Variants in USP40 observed in about 807,000 individuals in gnomAD.
USP40 encodes ubiquitin carboxyl-terminal hydrolase 40.
USP40 carries 143 observed loss-of-function variants against 166.2 expected under a neutral mutation model. That is an observed-to-expected ratio of 0.86 (90% CI 0.75 to 0.99). The LOEUF is 0.99. USP40 is among the 50% of genes least tolerant of loss of function. The pLI is 0.00. For synonymous variants in USP40, 498 were observed against 524.0 expected, an observed-to-expected ratio of 0.95 and a Z score of 0.68; for missense variants, 1,444 against 1,479.7, an observed-to-expected ratio of 0.98 and a Z score of 0.40.
chr2:233,506,789 C>T (rs1001761556), intron 21 of USP40, among the ~76,000 whole-genome samples: 2 of 149,390 alleles, frequency 1.3e-5, no homozygotes, highest in African/African-American at 5.0e-5. Flanking sequence ...CATATACCTG[C>T]GATCCCAGCT....
At chr2:233,523,578 AC>A (rs1456443228) in intron 15 of USP40, 89 bp from the exon 16 acceptor site, 10 of 1,224,546 alleles carry the variant, frequency 8.2e-6, no homozygotes, top group Admixed American at 3.0e-5. Context: ...TTAGAGAACA[AC>A]CCTCATTTTT....
intron 26 of USP40, chr2:233,489,973 C>G: frequency 6.4e-6 from 1 of 155,888 alleles, no homozygotes; most frequent in Admixed American, 6.2e-5. Context: ...ACTGCTTGTT[C>G]TAATTCTGAA....
chr2:233,537,298 G>T (rs2069009371), intron 10 of USP40, among the ~76,000 whole-genome samples: 1 of 152,114 alleles, frequency 6.6e-6, no homozygotes, highest in South Asian at 2.1e-4. Context: ...CTGCAGATGT[G>T]GGTGTCATCT....
chr2:233,533,817 T>C (rs1259390182), intron 10 of USP40, 38 bp from the exon 11 acceptor site: 1 of 1,480,096 alleles, frequency 6.8e-7, no homozygotes, highest in East Asian at 2.5e-5. Context: ...AAGTTAATTA[T>C]TTAAACAAAA....
chr2:233,521,370 A>G (rs1442010373), intron 16 of USP40, among the ~76,000 whole-genome samples: 1 of 152,188 alleles, frequency 6.6e-6, no homozygotes, highest in East Asian at 1.9e-4. Flanking sequence ...GTAAGTAAAC[A>G]GTTGCTGGCT....
At chr2:233,506,416 G>A (rs140043711) in intron 21 of USP40, among the ~76,000 whole-genome samples, 6 of 152,160 alleles carry the variant, frequency 3.9e-5, no homozygotes, top group Admixed American at 2.0e-4. Flanking sequence ...AACATAGGGG[G>A]AACACTATGA....
Position 233,506,804 on chromosome 2 carries a change from C to T in USP40, c.2613+3245G>A, listed in dbSNP as rs188718745. 1.1e-3 allele frequency among the ~76,000 whole-genome samples: 171 copies of T among 149,960 alleles called. 1 individual carries two copies. Among genetic ancestry groups the T allele is most frequent in the Middle Eastern group, 6.9e-3 (2 of 288 alleles). ...CATATACCTGCGATCCCAGCTACTTCGGAGGCTGAGATGGAAGGATCACTT... is the reference window on the plus strand; with the variant it reads ...CATATACCTGCGATCCCAGCTACTTTGGAGGCTGAGATGGAAGGATCACTT... On this transcript the variant is annotated intron_variant, in intron 21 of 31. Coordinates refer to ENST00000678225, the MANE Select transcript of USP40 (RefSeq NM_001365479.2).
intron 21 of USP40, among the ~76,000 whole-genome samples, chr2:233,506,414 G>C (rs1337554459): frequency 6.6e-6 from 1 of 152,022 alleles, no homozygotes; most frequent in African/African-American, 2.4e-5. Context: ...AAAACATAGG[G>C]GGAACACTAT....
At chr2:233,508,342 G>A (rs2066570604) in intron 21 of USP40, among the ~76,000 whole-genome samples, 1 of 152,156 alleles carries the variant, frequency 6.6e-6, no homozygotes, top group Admixed American at 6.5e-5. Flanking sequence ...TGTCTTTTAA[G>A]CCTCTTTTGA....
chr2:233,540,062 T>G (rs1466804070), intron 10 of USP40, among the ~76,000 whole-genome samples: 1 of 146,892 alleles, frequency 6.8e-6, no homozygotes, highest in African/African-American at 2.5e-5. Context: ...GAGGTGGAGG[T>G]TGCAGTGAGC....
At chr2:233,481,132 T>A in intron 31 of USP40, 71 bp downstream of exon 31, 1 of 1,422,202 alleles carries the variant, frequency 7.0e-7, no homozygotes, top group Non-Finnish European at 9.6e-7. Flanking sequence ...CCTCTCAGTT[T>A]CCAAGCAGGA....
In USP40 at chr2:233,485,887, C is replaced by G. The variant is rs561610750; in HGVS notation, c.3288G>C (p.Gln1096His). 9 of 1,604,982 alleles carry G rather than the reference C, an allele frequency of 5.6e-6. No individual in the cohort carries two copies. The Admixed American group carries it at 6.8e-5, about 12-fold the overall frequency. The change falls in exon 29 of 32, where the codon CAG becomes CAC. Residue 1096 changes from glutamine (Q) to histidine (H), a missense_variant. Transcript: ENST00000678225. Reference sequence around the variant, plus strand: ...GCCTCAGGGAGCCGGCAGTCCCACCCTGGGCCGCGTTCCACACCAGGTCCA... The same window carrying G: ...GCCTCAGGGAGCCGGCAGTCCCACCGTGGGCCGCGTTCCACACCAGGTCCA... ...PALDLVWNAA[Q>H]GGTAGSLRQR... is the part of the protein sequence containing the mutation.
At chr2:233,500,661 A>T (rs1223451083) in intron 21 of USP40, among the ~76,000 whole-genome samples, 1 of 152,206 alleles carries the variant, frequency 6.6e-6, no homozygotes, top group Admixed American at 6.5e-5. Flanking sequence ...AAAAAGTAGG[A>T]AATGTCTTAA....
In USP40 at chr2:233,477,380, G is replaced by GC. The variant is rs746264973; in HGVS notation, c.*11dup. 20 of 1,611,704 alleles carry GC rather than the reference G, an allele frequency of 1.2e-5. 1 individual carries two copies. The African/African-American group carries it at 2.3e-4, about 18-fold the overall frequency. ...GAGAGTTCATCGGGAGTAGAGCCGT[G>GC]CAGCGGCGCGGTTATCTGAAGCTCC... On this transcript the variant is annotated 3_prime_UTR_variant, in exon 32 of 32. Coordinates refer to ENST00000678225, the MANE Select transcript of USP40 (RefSeq NM_001365479.2).
chr2:233,511,861 G>A, intron 19 of USP40, 64 bp from the exon 20 acceptor site: 2 of 1,257,468 alleles, frequency 1.6e-6, no homozygotes, highest in Non-Finnish European at 2.2e-6. Context: ...AAAAATAAAT[G>A]CTGAAATCAG....
intron 28 of USP40, chr2:233,487,911 G>A (rs922652198): frequency 1.8e-6 from 1 of 560,130 alleles, no homozygotes; most frequent in African/African-American, 1.9e-5. Context: ...GAGCAATGAT[G>A]AATCCGTTGG....
rs764265928 is a variant in USP40, at chr2:233,556,923, G to T, written c.478C>A (p.Arg160Ser). 8.1e-6 allele frequency: 13 copies of T among 1,613,920 alleles called. No individual in the cohort carries two copies. The highest frequency in any genetic ancestry group is 1.1e-5 in the South Asian group (1 of 91,078). Residue 160 changes from arginine to serine, a missense_variant, in exon 5 of 32, where the codon CGT becomes AGT. Coordinates refer to ENST00000678225, the MANE Select transcript of USP40 (RefSeq NM_001365479.2). ...VGTSGHDLIY[R>S]LYHGTIVNQI... is the part of the protein sequence containing the mutation. ...TTAACAATGGTTCCATGGTACAGAC[G>T]ATAGATGAGGTCATGACCGGAGGTC...
At chr2:233,506,736 A>G (rs911027635) in intron 21 of USP40, among the ~76,000 whole-genome samples, 6 of 145,074 alleles carry the variant, frequency 4.1e-5, no homozygotes, top group African/African-American at 1.6e-4. Flanking sequence ...CTCTACCGAA[A>G]ATACAAAAAA....
chr2:233,562,436 A>C (rs2071721496), intron 3 of USP40, among the ~76,000 whole-genome samples: 1 of 151,312 alleles, frequency 6.6e-6, no homozygotes, highest in Non-Finnish European at 1.5e-5. Context: ...GAAATTGGAA[A>C]TCATCATTCT....
Sources: allele counts gnomAD v4.1 joint callset (sites outside exome capture counted in the v4.1 genomes callset), GRCh38; gene constraint gnomAD v4.1.1; transcripts MANE v1.5; gene names NCBI Gene and HGNC (gene_info 2026-07-23, HGNC 2026-07-21).